CERS5: variants seen among roughly 807,000 people sequenced by gnomAD.
CERS5 encodes LAG1 homolog, ceramide synthase 5.
A neutral mutation model predicts 58.9 loss-of-function variants in CERS5; 37 were observed. The ratio of observed to expected loss-of-function variants is 0.63; its 90% CI spans 0.48 to 0.83. The LOEUF is 0.83. Among genes scored for constraint, CERS5 ranks in the 40% least tolerant of loss-of-function variants. CERS5 has a pLI of 0.00. For synonymous variants in CERS5, 147 were observed against 177.8 expected, an observed-to-expected ratio of 0.83 and a Z score of 1.38; for missense variants, 398 against 489.3, an observed-to-expected ratio of 0.81 and a Z score of 1.76.
intron 1 of CERS5, among the ~76,000 whole-genome samples, chr12:50,161,802 C>CAAAAAAAAAAAAAAAAAAAAAAAAAAA (rs1555199664): frequency 2.2e-5 from 2 of 92,946 alleles, no homozygotes; most frequent in African/African-American, 9.1e-5. Flanking sequence ...AAAAAAAAAG[C>CAAAAAAAAAAAAAAAAAAAAAAAAAAA]AAAGTTCAAG....
intron 7 of CERS5, 51 bp downstream of exon 7, chr12:50,135,890 G>A: frequency 6.3e-7 from 1 of 1,588,100 alleles, no homozygotes; most frequent in Non-Finnish European, 8.5e-7. Flanking sequence ...TCCTCACATA[G>A]GAAGAAAAGA....
At chr12:50,162,019 C>T (rs536583786) in intron 1 of CERS5, among the ~76,000 whole-genome samples, 2 of 150,706 alleles carry the variant, frequency 1.3e-5, no homozygotes, top group East Asian at 2.0e-4. Context: ...GGACTTAAGG[C>T]GCATGCCACC....
rs1353310615 is a variant in CERS5, at chr12:50,130,544, C to T, written c.*1G>A. Reference sequence around the variant, plus strand: ...GTGCTGAAGTCCCTATAGCAACCACCTTACTCTTCAGCCCAGTAGCTGCCT... The same window carrying T: ...GTGCTGAAGTCCCTATAGCAACCACTTTACTCTTCAGCCCAGTAGCTGCCT... On this transcript the variant is annotated 3_prime_UTR_variant, in exon 10 of 10. Coordinates refer to ENST00000317551, the MANE Select transcript of CERS5 (RefSeq NM_147190.5). 1 of 1,596,916 alleles carries T rather than the reference C, an allele frequency of 6.3e-7. No individual in the cohort carries two copies.
At position 50,143,058 on chromosome 12, in the gene CERS5, C is replaced by A. The variant is rs754268188; in HGVS notation, c.434+16G>T. The A allele has an allele frequency of 1.2e-5, 19 of 1,590,542 alleles. No homozygotes were observed. Among genetic ancestry groups the A allele is most frequent in the Non-Finnish European group, 1.6e-5 (19 of 1,165,516 alleles). On this transcript the variant is annotated intron_variant, in intron 3 of 9. Transcript: ENST00000317551. Reference sequence around the variant, plus strand: ...ACCGTCTTCCTTATTCCCTCCCTCCCTCCTTGCGTACTTACATGCTTTCAC... The same window carrying A: ...ACCGTCTTCCTTATTCCCTCCCTCCATCCTTGCGTACTTACATGCTTTCAC...
chr12:50,149,498 A>G (rs1937705710), intron 1 of CERS5, among the ~76,000 whole-genome samples: 1 of 152,208 alleles, frequency 6.6e-6, no homozygotes, highest in Admixed American at 6.5e-5. Context: ...GACAGGATGT[A>G]TATTCACAAT....
chr12:50,143,239 T>A (rs1952075148), intron 2 of CERS5, 35 bp from the exon 3 acceptor site: 1 of 1,612,126 alleles, frequency 6.2e-7, no homozygotes, highest in Non-Finnish European at 8.5e-7. Context: ...AACACCCGTC[T>A]CCTCATACCC....
chr12:50,161,196 C>T (rs1386433267), intron 1 of CERS5, among the ~76,000 whole-genome samples: 1 of 152,130 alleles, frequency 6.6e-6, no homozygotes, highest in Non-Finnish European at 1.5e-5. Flanking sequence ...GTAATAATCA[C>T]CTTTCTGCAG....
chr12:50,155,580 C>T, intron 1 of CERS5, among the ~76,000 whole-genome samples: 1 of 150,630 alleles, frequency 6.6e-6, no homozygotes. Context: ...ACTAAAAATA[C>T]AAAAAAATTA....
chr12:50,145,636 T>C (rs7138945), intron 1 of CERS5, among the ~76,000 whole-genome samples: 1 of 151,808 alleles, frequency 6.6e-6, no homozygotes, highest in African/African-American at 2.4e-5. Context: ...TTTAGCCACA[T>C]CTGTAACACA....
intron 9 of CERS5, chr12:50,133,253 A>G: frequency 9.3e-7 from 1 of 1,077,320 alleles, no homozygotes; most frequent in South Asian, 2.6e-5. Context: ...AGCCCCTCCC[A>G]CTTGGGATTC....
intron 1 of CERS5, chr12:50,165,277 G>C (rs1939746561): frequency 6.6e-6 from 1 of 152,070 alleles, no homozygotes; most frequent in African/African-American, 2.4e-5. Flanking sequence ...AAATTAGCCG[G>C]ACATGGTGGC....
chr12:50,138,678 C>T lies in CERS5; in HGVS notation c.493-61G>A, dbSNP rs12302335. 4.3e-3 allele frequency: 6,057 copies of T among 1,409,426 alleles called. 193 individuals are homozygous for T. The African/African-American group carries it at 0.076, about 18-fold the overall frequency. The allele number at this position is 1,409,426 out of a possible 1,614,324, so 87.3% of individuals were successfully genotyped here. A position where few individuals can be genotyped will look rare whatever the true frequency, so the allele number is the denominator to read the frequency against. On this transcript the variant is annotated intron_variant, in intron 4 of 9. Coordinates refer to ENST00000317551, the MANE Select transcript of CERS5 (RefSeq NM_147190.5). Reference sequence around the variant, plus strand: ...GATTCTCACCTGGCTTCAAGATCTACCTCATATAATCCCCTTCTCTCTAGG... The same window carrying T: ...GATTCTCACCTGGCTTCAAGATCTATCTCATATAATCCCCTTCTCTCTAGG...
chr12:50,164,526 G>A (rs1346889293), intron 1 of CERS5, among the ~76,000 whole-genome samples: 1 of 152,144 alleles, frequency 6.6e-6, no homozygotes, highest in Non-Finnish European at 1.5e-5. Flanking sequence ...TATTACTGAG[G>A]TAATGGGTCT....
At chr12:50,132,048 T>C (rs1283880676) in intron 9 of CERS5, among the ~76,000 whole-genome samples, 1 of 151,212 alleles carries the variant, frequency 6.6e-6, no homozygotes, top group Non-Finnish European at 1.5e-5. Context: ...GAGGCTGCAG[T>C]GAGCCATGAT....
At chr12:50,161,519 G>A (rs1308381959) in intron 1 of CERS5, among the ~76,000 whole-genome samples, 2 of 152,128 alleles carry the variant, frequency 1.3e-5, no homozygotes, top group Admixed American at 6.6e-5. Context: ...GCTCACGCCT[G>A]TAATCCTAGC....
In CERS5 at chr12:50,130,685, C is replaced by A; in HGVS notation, c.1039G>T (p.Asp347Tyr). Reference protein sequence around the residue: ...KALIRGKVSKDDRSDVESSSE... With the variant: ...KALIRGKVSKYDRSDVESSSE... Reference sequence around the variant, plus strand: ...CTGCTCTCCACATCACTGCGATCATCCTTCGATACCTGGGTGGGATGAGAC... The same window carrying A: ...CTGCTCTCCACATCACTGCGATCATACTTCGATACCTGGGTGGGATGAGAC... The change falls in exon 10 of 10, where the codon GAT becomes TAT. Residue 347 changes from aspartate to tyrosine, a missense_variant. This residue lies in a region of CERS5 where 23 missense variants were observed against 54.6 expected (regional missense o/e 0.42). Transcript: ENST00000317551. 3.2e-6 allele frequency: 5 copies of A among 1,586,816 alleles called. No individual in the cohort carries two copies. The highest frequency in any genetic ancestry group is 4.3e-6 in the Non-Finnish European group (5 of 1,158,858).
chr12:50,147,809 ACTCTGC>A (rs1952376619), intron 1 of CERS5, among the ~76,000 whole-genome samples: 1 of 152,074 alleles, frequency 6.6e-6, no homozygotes, highest in Admixed American at 6.6e-5. Context: ...ACAGGGTCTC[ACTCTGC>A]CACCCAGGCT....
chr12:50,129,494 T>G lies in CERS5; in HGVS notation c.*1051A>C, dbSNP rs970200620. 6.9e-6 allele frequency: 1 copy of G among 145,038 alleles called. No individual in the cohort carries two copies. Among genetic ancestry groups the G allele is most frequent in the Non-Finnish European group, 1.5e-5 (1 of 67,324 alleles). 9.0% of individuals were successfully genotyped at this position (145,038 alleles called of 1,614,324 possible). ...ATAGCAAGTTGAGGAACTAAAAGTATGACCTAATTTTTTTTTTTTTTTTTT... is the reference window on the plus strand; with the variant it reads ...ATAGCAAGTTGAGGAACTAAAAGTAGGACCTAATTTTTTTTTTTTTTTTTT... On this transcript the variant is annotated 3_prime_UTR_variant, in exon 10 of 10. Coordinates refer to ENST00000317551, the MANE Select transcript of CERS5 (RefSeq NM_147190.5).
chr12:50,144,216 T>G, intron 1 of CERS5, 159 bp from the exon 2 acceptor site: 1 of 552,692 alleles, frequency 1.8e-6, no homozygotes, highest in Non-Finnish European at 3.2e-6. Flanking sequence ...ATCCATCACT[T>G]TCAACATTTA....
Sources: gnomAD v4.1 joint callset for allele counts (sites outside exome capture counted in the v4.1 genomes callset) on GRCh38, gnomAD v4.1.1 for gene constraint, gnomAD v4.1.1 regional missense constraint, MANE v1.5 for transcripts, NCBI Gene and HGNC (gene_info 2026-07-23, HGNC 2026-07-21) for gene names.